Variants in RPS6KA2 observed in about 807,000 individuals in gnomAD.
The protein encoded by RPS6KA2 is ribosomal protein S6 kinase alpha-2.
A neutral mutation model predicts 91.8 loss-of-function variants in RPS6KA2; 42 were observed. The observed-to-expected ratio is 0.46, with a 90% CI of 0.36 to 0.59. The LOEUF is 0.59. RPS6KA2 is among the 20% of genes least tolerant of loss of function. The pLI is 0.00. For missense variants in RPS6KA2, 798 were observed against 978.5 expected, an observed-to-expected ratio of 0.82 and a Z score of 2.46; for synonymous variants, 414 against 393.6, an observed-to-expected ratio of 1.05 and a Z score of -0.61.
chr6:166,818,158 AATG>A (rs143807580), intron 2 of RPS6KA2, among the ~76,000 whole-genome samples: 6,119 of 150,160 alleles, frequency 0.041, 386 homozygotes, highest in African/African-American at 0.14. Flanking sequence ...AAATTAATAT[AATG>A]ATATTATTAA....
intron 5 of RPS6KA2, among the ~76,000 whole-genome samples, chr6:166,505,147 C>T (rs763235415): frequency 1.7e-4 from 26 of 152,104 alleles, no homozygotes; most frequent in Admixed American, 1.2e-3. Flanking sequence ...TACCAAAGAT[C>T]ACCCACAGGT....
At chr6:166,673,261 C>T (rs1397796782) in intron 2 of RPS6KA2, among the ~76,000 whole-genome samples, 1 of 152,170 alleles carries the variant, frequency 6.6e-6, no homozygotes, top group African/African-American at 2.4e-5. Context: ...ACCAGGGGTG[C>T]AGGCTGCGGC....
At position 166,508,961 on chromosome 6, in the gene RPS6KA2, A is replaced by G. The variant is rs1458455530; in HGVS notation, c.380-679T>C. On this transcript the variant is annotated intron_variant, in intron 4 of 20. Coordinates refer to ENST00000265678, the MANE Select transcript of RPS6KA2 (RefSeq NM_021135.6). The surrounding 1 kb of genome is among the most constrained non-coding windows in gnomAD (Gnocchi z 4.3). Reference sequence around the variant, plus strand: ...ACGGGAGGGTCTAGAGAAGCCCGTCACCATCGCTGCTGTGACGATGGTTGC... The same window carrying G: ...ACGGGAGGGTCTAGAGAAGCCCGTCGCCATCGCTGCTGTGACGATGGTTGC... Among the ~76,000 whole-genome samples the G allele has an allele frequency of 6.6e-6, 1 of 152,212 alleles. No individual in the cohort carries two copies. Among genetic ancestry groups the G allele is most frequent in the African/African-American group, 2.4e-5 (1 of 41,456 alleles).
At chr6:166,701,174 G>A in intron 2 of RPS6KA2, 1 of 1,612,094 alleles carries the variant, frequency 6.2e-7, no homozygotes, top group Non-Finnish European at 8.5e-7. Context: ...AGAATTTCCT[G>A]AATTTTTCTC....
chr6:166,524,555 A>C (rs1159030769), intron 3 of RPS6KA2, among the ~76,000 whole-genome samples: 1 of 152,190 alleles, frequency 6.6e-6, no homozygotes, highest in Non-Finnish European at 1.5e-5. Context: ...GGTGGCATCT[A>C]ACTTCCTCCC....
At chr6:166,454,126 C>G (rs1780008318) in intron 12 of RPS6KA2, among the ~76,000 whole-genome samples, 1 of 152,174 alleles carries the variant, frequency 6.6e-6, no homozygotes, top group East Asian at 1.9e-4. Context: ...GTGATGGTTA[C>G]ACTAAAAGAC....
At chr6:166,782,839 A>G (rs6456126) in intron 2 of RPS6KA2, among the ~76,000 whole-genome samples, 32,591 of 151,822 alleles carry the variant, frequency 0.21, 4,328 homozygotes, top group African/African-American at 0.37. Flanking sequence ...TGCACTCGTC[A>G]GTTCTAACTT....
Position 166,737,530 on chromosome 6 carries a change from G to A in RPS6KA2, c.123+120670C>T, listed in dbSNP as rs1374572792. On this transcript the variant is annotated intron_variant, in intron 2 of 21. Coordinates refer to the RPS6KA2 transcript ENST00000503859. The surrounding 1 kb of genome is among the most constrained non-coding windows in gnomAD (Gnocchi z 4.3). ...AGCATCACACTCCAGAGGCATTAAA[G>A]AGAATTCTAAACGTCTCCTTTGCAA... Among the ~76,000 whole-genome samples, 1 of 152,212 alleles carries A rather than the reference G, an allele frequency of 6.6e-6. No individual in the cohort carries two copies. Among genetic ancestry groups the A allele is most frequent in the African/African-American group, 2.4e-5 (1 of 41,454 alleles).
At chr6:166,621,481 C>A (rs1223777286) in intron 1 of RPS6KA2, among the ~76,000 whole-genome samples, 1 of 152,198 alleles carries the variant, frequency 6.6e-6, no homozygotes, top group South Asian at 2.1e-4. Flanking sequence ...GCTTAACAGC[C>A]TATTTGTTGA....
At chr6:166,765,176 A>G (rs116730208) in intron 2 of RPS6KA2, among the ~76,000 whole-genome samples, 3,069 of 134,030 alleles carry the variant, frequency 0.023, 138 homozygotes, top group African/African-American at 0.093. Flanking sequence ...CCACGTGGCC[A>G]GCCAGCATGG....
At chr6:166,524,386 G>A (rs1234502009) in intron 3 of RPS6KA2, among the ~76,000 whole-genome samples, 3 of 152,012 alleles carry the variant, frequency 2.0e-5, no homozygotes, top group Admixed American at 6.6e-5. Context: ...AGCGCCTACC[G>A]AGACGAAGGA....
At chr6:166,829,632 C>CAAAAAAAAA (rs1780133491) in intron 2 of RPS6KA2, among the ~76,000 whole-genome samples, 7 of 150,326 alleles carry the variant, frequency 4.7e-5, no homozygotes, top group African/African-American at 1.7e-4. Context: ...TTATATGGTC[C>CAAAAAAAAA]ATCAATTCCC....
intron 1 of RPS6KA2, among the ~76,000 whole-genome samples, chr6:166,580,989 C>A (rs779835268): frequency 6.6e-6 from 1 of 152,148 alleles, no homozygotes; most frequent in East Asian, 1.9e-4. Flanking sequence ...GCAACCTCTG[C>A]CTCCCAGGTT....
rs1735286203 is a variant in RPS6KA2 at position 166,612,736 on chromosome 6, G to A, written c.99+14185C>T. 6.6e-6 allele frequency among the ~76,000 whole-genome samples: 1 copy of A among 152,186 alleles called. No homozygotes were observed. The highest frequency in any genetic ancestry group is 2.1e-4 in the South Asian group (1 of 4,830). On this transcript the variant is annotated intron_variant, in intron 1 of 20. Transcript: ENST00000265678. The surrounding 1 kb of genome is among the most constrained non-coding windows in gnomAD (Gnocchi z 4.3). ...GGTAACAGGACTGTGCAGTTGGGAA[G>A]CTCATCTCCTCTTACATTTGGATGT...
intron 3 of RPS6KA2, among the ~76,000 whole-genome samples, chr6:166,522,024 C>T (rs1782874140): frequency 6.6e-6 from 1 of 152,126 alleles, no homozygotes; most frequent in Admixed American, 6.5e-5. Flanking sequence ...GGCTATGAAC[C>T]AGACAGCAGC....
chr6:166,486,233 A>G (rs1175141590), intron 10 of RPS6KA2, among the ~76,000 whole-genome samples: 1 of 151,842 alleles, frequency 6.6e-6, no homozygotes, highest in Non-Finnish European at 1.5e-5. Context: ...CCTCTAAGCC[A>G]TGAACCCCAC....
intron 2 of RPS6KA2, among the ~76,000 whole-genome samples, chr6:166,799,050 T>C (rs1049218533): frequency 6.6e-6 from 1 of 152,286 alleles, no homozygotes; most frequent in African/African-American, 2.4e-5. Flanking sequence ...CACAACGTGC[T>C]TTTTGGCATA....
In RPS6KA2 at chr6:166,419,418, GC is replaced by G. The variant is rs1420368920; in HGVS notation, c.1820+463del. Among the ~76,000 whole-genome samples, 1 of 152,168 alleles carries G rather than the reference GC, an allele frequency of 6.6e-6. No individual in the cohort carries two copies. The highest frequency in any genetic ancestry group is 1.9e-4 in the East Asian group (1 of 5,184). ...TGGAAGTCAGCTGTCTGGATGGCAG[GC>G]CCAGGCCACTTTCTGTAACACCACG... On this transcript the variant is annotated intron_variant, in intron 18 of 20. Transcript: ENST00000265678. This position sits in a 1 kb window ranked among gnomAD's most constrained non-coding sequence, Gnocchi z 5.6.
intron 2 of RPS6KA2, among the ~76,000 whole-genome samples, chr6:166,696,450 C>T (rs1024947875): frequency 6.6e-6 from 1 of 152,200 alleles, no homozygotes; most frequent in South Asian, 2.1e-4. Flanking sequence ...AACCTTTATT[C>T]TAATATTCCC....
Sources: allele counts gnomAD v4.1 joint callset (sites outside exome capture counted in the v4.1 genomes callset), GRCh38; gene constraint gnomAD v4.1.1; non-coding constraint Gnocchi (gnomAD v3.1); transcripts MANE v1.5; gene names NCBI Gene and HGNC (gene_info 2026-07-23, HGNC 2026-07-21).